RBM33: variants seen among roughly 807,000 people sequenced by gnomAD.
The protein encoded by RBM33 is RNA binding motif protein 33.
Under a neutral mutation model 132.6 loss-of-function variants are expected in RBM33, and 28 were observed. The observed-to-expected ratio is 0.21, with a 90% confidence interval of 0.16 to 0.29. The LOEUF is 0.29. Ranked by LOEUF, RBM33 falls within the 10% of genes least tolerant of loss-of-function variation. The pLI, the probability that RBM33 is intolerant of heterozygous loss-of-function variation, is 1.00. For missense variants in RBM33, 1,291 were observed against 1,518.5 expected (o/e 0.85, Z 2.49); for synonymous variants, 634 against 593.0 (o/e 1.07, Z -1.01).
chr7:155,711,516 T>G, intron 8 of RBM33, 61 bp downstream of exon 8: 2 of 1,176,126 alleles, frequency 1.7e-6, no homozygotes, highest in South Asian at 4.1e-5. Flanking sequence ...TGGTTTGACT[T>G]AGGATTTTTC....
chr7:155,685,353 A>C (rs753619251), intron 5 of RBM33, among the ~76,000 whole-genome samples: 4 of 152,176 alleles, frequency 2.6e-5, no homozygotes, highest in Non-Finnish European at 5.9e-5. Flanking sequence ...AATTCTTTTT[A>C]ATTAGTAACA....
chr7:155,736,318 A>G (rs1363937615), intron 9 of RBM33, among the ~76,000 whole-genome samples: 2 of 152,232 alleles, frequency 1.3e-5, no homozygotes, highest in African/African-American at 4.8e-5. Context: ...GAAGAATGAT[A>G]CTTAAAAGTT....
chr7:155,742,213 C>A, intron 13 of RBM33, 107 bp downstream of exon 13: 1 of 1,054,788 alleles, frequency 9.5e-7, no homozygotes, highest in Non-Finnish European at 1.3e-6. Flanking sequence ...AATCTTCCCA[C>A]TTTTTTCACC....
chr7:155,693,157 C>G (rs1799694148), intron 5 of RBM33, among the ~76,000 whole-genome samples: 1 of 151,996 alleles, frequency 6.6e-6, no homozygotes, highest in Non-Finnish European at 1.5e-5. Flanking sequence ...ATTATTTAGT[C>G]TTTGTATTCC....
In RBM33 at chr7:155,672,878, A is replaced by G. The variant is rs1213690261; in HGVS notation, c.134A>G (p.Asp45Gly). ...TTTTTTCTCCCAAGTGAACTTGAAG[A>G]TGATTTACTTGGAGAAGATTTGCTA... ...ADEDWDSELE[D>G]DLLGEDLLSG... The change falls in exon 3 of 18, where the codon GAT becomes GGT. Residue 45 changes from aspartate (D) to glycine (G), a missense_variant. Asp to Gly is a moderately conservative substitution (Grantham distance 94, BLOSUM62 -1). Around this residue, in one of 7 missense-constraint regions of RBM33, gnomAD observed 194 missense variants for 249.8 expected, o/e 0.78. Coordinates refer to ENST00000401878, the MANE Select transcript of RBM33 (RefSeq NM_053043.3). 1 of 1,549,068 alleles carries G rather than the reference A, an allele frequency of 6.5e-7. No homozygotes were observed.
intron 6 of RBM33, among the ~76,000 whole-genome samples, chr7:155,706,150 T>C (rs1800107074): frequency 6.6e-6 from 1 of 152,216 alleles, no homozygotes; most frequent in Admixed American, 6.5e-5. Flanking sequence ...ATCATACTGC[T>C]GTAGGACTGG....
chr7:155,727,559 C>T (rs188746838), intron 9 of RBM33, among the ~76,000 whole-genome samples: 2 of 152,318 alleles, frequency 1.3e-5, no homozygotes, highest in African/African-American at 4.8e-5. Context: ...TTCATGAGAC[C>T]TGCTATTTGT....
At position 155,775,176 on chromosome 7, in the gene RBM33, G is replaced by A. The variant is rs766679647; in HGVS notation, c.*135G>A. 4.0e-5 allele frequency: 32 copies of A among 799,594 alleles called. No homozygotes were observed. The highest frequency in any genetic ancestry group is 1.6e-4 in the South Asian group (11 of 69,938). 49.5% of individuals were successfully genotyped at this position (799,594 alleles called of 1,614,324 possible). On this transcript the variant is annotated 3_prime_UTR_variant, in exon 18 of 18. Transcript: ENST00000401878. ...GTCCTGCGTAACTGTTCTCCAGAGC[G>A]CCAGCCAGCCACGGGCCTGATTCCA...
At position 155,745,038 on chromosome 7, in the gene RBM33, G is replaced by A. The variant is rs757208936; in HGVS notation, c.2415G>A (p.Leu805=). The change falls in exon 14 of 18, where the codon CTG becomes CTA. Residue 805 remains leucine (L), a synonymous_variant. Transcript: ENST00000401878. The surrounding 1 kb of genome is among the most constrained non-coding windows in gnomAD (Gnocchi z 4.1). ...EEQKRLREEI[L]KQKELRRQQQ... is the part of the protein sequence containing the mutation. ...AGAAACGCCTAAGAGAAGAAATCCT[G>A]AAACAGAAGGAGTTACGGCGGCAGC... 10 of 1,611,568 alleles carry A rather than the reference G, an allele frequency of 6.2e-6. No individual in the cohort carries two copies. Among genetic ancestry groups the A allele is most frequent in the Non-Finnish European group, 8.5e-6 (10 of 1,178,904 alleles).
intron 1 of RBM33, among the ~76,000 whole-genome samples, chr7:155,651,155 G>T (rs950478597): frequency 1.3e-5 from 2 of 152,192 alleles, no homozygotes; most frequent in African/African-American, 2.4e-5. Flanking sequence ...TAGGATTACA[G>T]GCGTGAGCCA....
intron 14 of RBM33, chr7:155,746,330 A>G (rs937081871): frequency 6.6e-6 from 1 of 152,208 alleles, no homozygotes; most frequent in African/African-American, 2.4e-5. Context: ...GTCCCAGACT[A>G]CTGGACTACT....
intron 9 of RBM33, among the ~76,000 whole-genome samples, chr7:155,736,254 GAGTT>G (rs1563167224): frequency 1.3e-5 from 2 of 152,218 alleles, no homozygotes; most frequent in Non-Finnish European, 2.9e-5. Flanking sequence ...AGGGAACAGT[GAGTT>G]AGTGATAAAA....
intron 9 of RBM33, among the ~76,000 whole-genome samples, chr7:155,725,749 G>A (rs1282270278): frequency 6.6e-6 from 1 of 152,192 alleles, no homozygotes; most frequent in African/African-American, 2.4e-5. Context: ...GTAGTTTGTA[G>A]TGGGTGCTCT....
intron 9 of RBM33, among the ~76,000 whole-genome samples, chr7:155,720,327 A>G (rs1364605118): frequency 2.0e-5 from 3 of 152,216 alleles, no homozygotes; most frequent in East Asian, 1.9e-4. Context: ...CGTGCAGTGC[A>G]CTACTTATTT....
chr7:155,675,040 C>G (rs1799137854), intron 3 of RBM33, among the ~76,000 whole-genome samples: 1 of 152,144 alleles, frequency 6.6e-6, no homozygotes, highest in African/African-American at 2.4e-5. Context: ...GGCATGGTGG[C>G]TCACGCCTAT....
At chr7:155,685,061 T>C (rs747557207) in intron 5 of RBM33, 176 of 1,547,720 alleles carry the variant, frequency 1.1e-4, no homozygotes, top group Non-Finnish European at 4.6e-5. Context: ...AGGTATTTGT[T>C]CATCTTTTAA....
At chr7:155,742,229 C>CCT in intron 13 of RBM33, 123 bp downstream of exon 13, 5 of 692,832 alleles carry the variant, frequency 7.2e-6, no homozygotes, top group Non-Finnish European at 1.1e-5. Flanking sequence ...TCACCTGGGT[C>CCT]TTTTTTTTTT....
chr7:155,766,207 G>A (rs1802210538), intron 15 of RBM33, among the ~76,000 whole-genome samples: 1 of 152,140 alleles, frequency 6.6e-6, no homozygotes, highest in South Asian at 2.1e-4. Context: ...TGCCCACCGA[G>A]CACAAGCGTG....
intron 9 of RBM33, among the ~76,000 whole-genome samples, chr7:155,723,732 G>A (rs897302156): frequency 1.4e-4 from 21 of 152,150 alleles, no homozygotes; most frequent in African/African-American, 5.1e-4. Context: ...CAAAGGCCAG[G>A]GGTACTCCTT....
Sources: allele counts gnomAD v4.1 joint callset (sites outside exome capture counted in the v4.1 genomes callset), GRCh38; gene constraint gnomAD v4.1.1; regional missense constraint gnomAD v4.1.1; non-coding constraint Gnocchi (gnomAD v3.1); transcripts MANE v1.5; gene names NCBI Gene and HGNC (gene_info 2026-07-23, HGNC 2026-07-21).